The following NRXN1 variants were observed in gnomAD, a reference collection of about 807,000 sequenced individuals.
NRXN1 encodes the protein neurexin-1.
Under a neutral mutation model 150.9 loss-of-function variants are expected in NRXN1, and 39 were observed. The ratio of observed to expected loss-of-function variants is 0.26; its 90% CI spans 0.20 to 0.34. The LOEUF (loss-of-function observed/expected upper bound fraction) is 0.34, where lower values mean the gene tolerates loss of function less well. Among genes scored for constraint, NRXN1 ranks in the 10% least tolerant of loss-of-function variants. The pLI is 1.00. For synonymous variants in NRXN1, 924 were observed against 757.0 expected, an observed-to-expected ratio of 1.22 and a Z score of -3.62; for missense variants, 1,815 against 1,949.9, an observed-to-expected ratio of 0.93 and a Z score of 1.30.
intron 15 of NRXN1, among the ~76,000 whole-genome samples, chr2:50,475,261 C>T (rs1015848185): frequency 7.9e-5 from 12 of 152,026 alleles, no homozygotes. Context: ...AATCAATCTT[C>T]CTCTGTCTGA....
chr2:50,213,628 A>G (rs1453858289), intron 18 of NRXN1, among the ~76,000 whole-genome samples: 1 of 151,870 alleles, frequency 6.6e-6, no homozygotes, highest in Non-Finnish European at 1.5e-5. Context: ...AGCCCATTCC[A>G]TTTCTAACCC....
intron 17 of NRXN1, among the ~76,000 whole-genome samples, chr2:50,354,784 C>T (rs910049965): frequency 6.6e-6 from 1 of 151,834 alleles, no homozygotes; most frequent in Non-Finnish European, 1.5e-5. Context: ...CAGGTCTGGG[C>T]ATATTAGGCC....
At chr2:50,737,027 G>A (rs947015329) in intron 5 of NRXN1, among the ~76,000 whole-genome samples, 17 of 152,060 alleles carry the variant, frequency 1.1e-4, no homozygotes, top group Admixed American at 3.9e-4. Context: ...GGAGGCTGAG[G>A]TGGGTGGGTC....
At chr2:50,674,347 A>G (rs1689268231) in intron 5 of NRXN1, among the ~76,000 whole-genome samples, 1 of 152,176 alleles carries the variant, frequency 6.6e-6, no homozygotes, top group Non-Finnish European at 1.5e-5. Context: ...AGCATGGAAC[A>G]GAAGTGGAGC....
chr2:51,027,986 G>T lies in NRXN1; in HGVS notation c.288C>A (p.Phe96Leu). The change falls in exon 2 of 23, where the codon TTC becomes TTA. Residue 96 changes from phenylalanine (F) to leucine (L), a missense_variant. Physicochemically the swap from Phe to Leu is conservative, Grantham distance 22. Coordinates refer to ENST00000401669, the MANE Select transcript of NRXN1 (RefSeq NM_001330078.2). Reference protein sequence around the residue: ...GGRLQLSFSIFCAEPATLLAD... With the variant: ...GGRLQLSFSILCAEPATLLAD... Reference sequence around the variant, plus strand: ...CCAGGAGCGTCGCAGGCTCAGCGCAGAAGATGGAGAAGCTGAGCTGCAGGC... The same window carrying T: ...CCAGGAGCGTCGCAGGCTCAGCGCATAAGATGGAGAAGCTGAGCTGCAGGC... 3 of 1,601,136 alleles carry T rather than the reference G, an allele frequency of 1.9e-6. No individual in the cohort carries two copies. The highest frequency in any genetic ancestry group is 1.7e-6 in the Non-Finnish European group (2 of 1,178,888).
chr2:50,408,245 C>T (rs2082894966), intron 17 of NRXN1, among the ~76,000 whole-genome samples: 1 of 152,168 alleles, frequency 6.6e-6, no homozygotes, highest in Non-Finnish European at 1.5e-5. Context: ...AATAGATTAA[C>T]ATGAGAATTT....
At chr2:49,939,790 T>A (rs1671662445) in intron 22 of NRXN1, among the ~76,000 whole-genome samples, 1 of 152,194 alleles carries the variant, frequency 6.6e-6, no homozygotes, top group South Asian at 2.1e-4. Context: ...TTCAATATAT[T>A]AATTAATATA....
At chr2:50,788,909 A>G (rs1027762448) in intron 5 of NRXN1, among the ~76,000 whole-genome samples, 13 of 152,176 alleles carry the variant, frequency 8.5e-5, no homozygotes, top group Admixed American at 6.5e-5. Context: ...GTTTCTCAAT[A>G]AAGGTGCTAC....
intron 5 of NRXN1, among the ~76,000 whole-genome samples, chr2:50,839,099 T>A (rs1672505639): frequency 6.6e-6 from 1 of 152,156 alleles, no homozygotes; most frequent in Non-Finnish European, 1.5e-5. Context: ...TTTAAAAAAG[T>A]TCATCAAGTT....
intron 21 of NRXN1, among the ~76,000 whole-genome samples, chr2:49,944,220 G>C (rs1293402330): frequency 2.6e-5 from 4 of 152,160 alleles, no homozygotes; most frequent in Admixed American, 6.6e-5. Flanking sequence ...TTACACTCAC[G>C]ACTATGTAGA....
intron 5 of NRXN1, chr2:50,912,326 G>T (rs150411848): frequency 2.6e-5 from 4 of 151,364 alleles, no homozygotes; most frequent in Non-Finnish European, 4.4e-5. Flanking sequence ...GGTGATTGTG[G>T]GAGTTCCTCA....
intron 5 of NRXN1, among the ~76,000 whole-genome samples, chr2:50,857,878 C>A (rs1475157020): frequency 6.6e-6 from 1 of 152,088 alleles, no homozygotes; most frequent in Non-Finnish European, 1.5e-5. Flanking sequence ...CTTATTCATT[C>A]TGCATCGGTA....
At chr2:50,911,251 C>T (rs1684474758) in intron 5 of NRXN1, among the ~76,000 whole-genome samples, 1 of 151,902 alleles carries the variant, frequency 6.6e-6, no homozygotes, top group Admixed American at 6.6e-5. Context: ...AAATGAGTAA[C>T]ACCTTGCTCT....
chr2:50,763,713 A>G (rs887221464), intron 5 of NRXN1, among the ~76,000 whole-genome samples: 3 of 151,890 alleles, frequency 2.0e-5, no homozygotes, highest in African/African-American at 7.2e-5. Context: ...TGTAACTGCC[A>G]TTGAAGGTGA....
chr2:50,192,793 A>G (rs1350418078), intron 18 of NRXN1, among the ~76,000 whole-genome samples: 1 of 152,164 alleles, frequency 6.6e-6, no homozygotes, highest in East Asian at 1.9e-4. Context: ...ATTTTTTAGT[A>G]GAGACAAGGT....
chr2:50,328,519 G>A lies in NRXN1; in HGVS notation c.3365-91549C>T, dbSNP rs548064663. Among the ~76,000 whole-genome samples, 101 of 152,166 alleles carry A rather than the reference G, an allele frequency of 6.6e-4. 1 individual carries two copies. Among genetic ancestry groups the A allele is most frequent in the African/African-American group, 2.1e-3 (88 of 41,524 alleles). On this transcript the variant is annotated intron_variant, in intron 17 of 22. Coordinates refer to ENST00000401669, the MANE Select transcript of NRXN1 (RefSeq NM_001330078.2). ...TGGGAGGCCGAAGTGGGTGAATCACGAGGTCAGGAGTTCGAGACCAGCCTG... is the reference window on the plus strand; with the variant it reads ...TGGGAGGCCGAAGTGGGTGAATCACAAGGTCAGGAGTTCGAGACCAGCCTG...
chr2:49,979,099 C>T (rs1679526255), intron 21 of NRXN1, among the ~76,000 whole-genome samples: 1 of 152,116 alleles, frequency 6.6e-6, no homozygotes, highest in African/African-American at 2.4e-5. Context: ...GAGTTCGAGA[C>T]CAGCCTGGCC....
At chr2:50,934,933 A>C (rs1688297593) in intron 2 of NRXN1, among the ~76,000 whole-genome samples, 1 of 152,158 alleles carries the variant, frequency 6.6e-6, no homozygotes, top group Non-Finnish European at 1.5e-5. Context: ...CTTTTCCTTT[A>C]GACCTCATAG....
chr2:50,225,131 C>G (rs1404630282), intron 18 of NRXN1, among the ~76,000 whole-genome samples: 1 of 151,930 alleles, frequency 6.6e-6, no homozygotes, highest in Admixed American at 6.6e-5. Context: ...TGGGAAGTCC[C>G]AGGAGAACAT....
Sources: allele counts gnomAD v4.1 joint callset (sites outside exome capture counted in the v4.1 genomes callset), GRCh38; gene constraint gnomAD v4.1.1; transcripts MANE v1.5; gene names NCBI Gene and HGNC (gene_info 2026-07-23, HGNC 2026-07-21).